LY96: variants seen among roughly 807,000 people sequenced by gnomAD.
The protein encoded by LY96 is lymphocyte antigen 96.
LY96 carries 18 observed loss-of-function variants against 18.9 expected under a neutral mutation model. The observed-to-expected ratio is 0.95, with a 90% CI of 0.66 to 1.41. The LOEUF (loss-of-function observed/expected upper bound fraction) is 1.41. Ranked by LOEUF, LY96 falls within the 40% of genes most tolerant of loss-of-function variation. The pLI is 0.00. For synonymous variants in LY96, 66 were observed against 62.6 expected, an observed-to-expected ratio of 1.06 and a Z score of -0.26; for missense variants, 175 against 182.4, an observed-to-expected ratio of 0.96 and a Z score of 0.23.
intron 3 of LY96, among the ~76,000 whole-genome samples, chr8:74,016,402 C>T (rs570599337): frequency 2.0e-5 from 3 of 152,336 alleles, no homozygotes; most frequent in South Asian, 2.1e-4. Flanking sequence ...ACGAGGCCTG[C>T]CTGCCTCTGT....
intron 2 of LY96, among the ~76,000 whole-genome samples, chr8:74,008,264 T>C (rs531556197): frequency 6.6e-6 from 1 of 152,386 alleles, no homozygotes; most frequent in Non-Finnish European, 1.5e-5. Context: ...GGAATCTTGC[T>C]GTGTTTCACG....
chr8:74,004,403 C>A (rs1338631140), intron 1 of LY96, among the ~76,000 whole-genome samples: 2 of 152,132 alleles, frequency 1.3e-5, no homozygotes, highest in Non-Finnish European at 2.9e-5. Context: ...ATGGGTGGAG[C>A]TAGGAGCTGG....
chr8:74,039,726 G>A, the LY96 span, among the ~76,000 whole-genome samples: 1 of 152,150 alleles, frequency 6.6e-6, no homozygotes, highest in Non-Finnish European at 1.5e-5. Context: ...TTATAAGAAA[G>A]ATCAAAAACT....
intron 1 of LY96, among the ~76,000 whole-genome samples, chr8:74,002,036 T>C (rs1305924477): frequency 2.4e-4 from 7 of 29,564 alleles, no homozygotes; most frequent in African/African-American, 4.9e-4. Context: ...CCTTCCTTCC[T>C]TCCTTCCTTC....
At chr8:74,081,460 G>A in the LY96 span, among the ~76,000 whole-genome samples, 1 of 150,528 alleles carries the variant, frequency 6.6e-6, no homozygotes, top group Non-Finnish European at 1.5e-5. Flanking sequence ...AGTTCTTCCT[G>A]TGTTGCCCAA....
At chr8:74,087,891 T>A in the LY96 span, among the ~76,000 whole-genome samples, 5 of 152,128 alleles carry the variant, frequency 3.3e-5, no homozygotes, top group African/African-American at 1.2e-4. Context: ...TCTTTATGGG[T>A]CTTCCTCTGA....
At chr8:74,082,104 C>G in the LY96 span, among the ~76,000 whole-genome samples, 1 of 152,126 alleles carries the variant, frequency 6.6e-6, no homozygotes, top group African/African-American at 2.4e-5. Context: ...TTTTTGTGCT[C>G]CTCCTTATCC....
At chr8:74,086,080 T>C in the LY96 span, among the ~76,000 whole-genome samples, 1 of 152,116 alleles carries the variant, frequency 6.6e-6, no homozygotes, top group Non-Finnish European at 1.5e-5. Flanking sequence ...TATTCTATCC[T>C]CTGTTTTCTA....
the LY96 span, among the ~76,000 whole-genome samples, chr8:74,039,587 GA>G: frequency 6.6e-6 from 1 of 152,170 alleles, no homozygotes; most frequent in Non-Finnish European, 1.5e-5. Flanking sequence ...GCAGGGTAAG[GA>G]GGGTGGATCT....
the LY96 span, among the ~76,000 whole-genome samples, chr8:74,071,643 C>T: frequency 6.6e-6 from 1 of 152,226 alleles, no homozygotes; most frequent in Non-Finnish European, 1.5e-5. Context: ...TCCACTGCCT[C>T]TCACCTCCAG....
intron 3 of LY96, among the ~76,000 whole-genome samples, chr8:74,016,069 C>T (rs1816635107): frequency 6.6e-6 from 1 of 152,184 alleles, no homozygotes; most frequent in Admixed American, 6.5e-5. Flanking sequence ...ATTGCCTCAC[C>T]CAGGAAGTGC....
At chr8:74,004,938 A>T (rs527711369) in intron 2 of LY96, 53 bp downstream of exon 2, 8 of 1,529,992 alleles carry the variant, frequency 5.2e-6, no homozygotes, top group Non-Finnish European at 7.2e-6. Flanking sequence ...AAGAAATATC[A>T]GTGATAAATG....
chr8:74,047,776 C>T, the LY96 span, among the ~76,000 whole-genome samples: 1 of 152,224 alleles, frequency 6.6e-6, no homozygotes, highest in African/African-American at 2.4e-5. Flanking sequence ...ATTATCCAAA[C>T]CACAATGCTA....
chr8:74,031,363 C>T (rs1391768164), downstream of LY96, among the ~76,000 whole-genome samples: 1 of 152,124 alleles, frequency 6.6e-6, no homozygotes, highest in Non-Finnish European at 1.5e-5. Flanking sequence ...TGTGGTGGCT[C>T]ACGCCTGTAA....
rs527841749 is a variant in LY96 at position 73,993,952 on chromosome 8, C to T, written c.112+2398C>T. Among the ~76,000 whole-genome samples, 11 of 152,156 alleles carry T rather than the reference C, an allele frequency of 7.2e-5. No individual in the cohort carries two copies. In the East Asian group the frequency reaches 2.1e-3, roughly 29 times the overall value. ...AAGTATATGCACATTGCTGTGAAAC[C>T]ATCACCGTTGGTGTATCTTTTGATT... On this transcript the variant is annotated intron_variant, in intron 1 of 4. Coordinates refer to ENST00000284818, the MANE Select transcript of LY96 (RefSeq NM_015364.5).
intron 3 of LY96, among the ~76,000 whole-genome samples, chr8:74,022,179 G>A (rs570328376): frequency 2.6e-4 from 39 of 152,182 alleles, no homozygotes; most frequent in African/African-American, 9.2e-4. Context: ...AGGCCGAGGC[G>A]GGCAGATCAC....
intron 3 of LY96, among the ~76,000 whole-genome samples, chr8:74,021,017 C>T (rs6993513): frequency 0.24 from 36,916 of 152,080 alleles, 5,217 homozygotes; most frequent in African/African-American, 0.39. Flanking sequence ...TGGGCAAGGA[C>T]TTTATGACTA....
chr8:74,054,625 T>TTTCTTTC, the LY96 span, among the ~76,000 whole-genome samples: 2 of 102,686 alleles, frequency 1.9e-5, no homozygotes, highest in Non-Finnish European at 3.8e-5. Flanking sequence ...TCCTTCTTTC[T>TTTCTTTC]TTCTTTCTTT....
the LY96 span, among the ~76,000 whole-genome samples, chr8:74,075,888 C>T: frequency 3.9e-5 from 6 of 152,204 alleles, no homozygotes; most frequent in Admixed American, 1.3e-4. Context: ...TGCTGACACA[C>T]GGTTTGGGTG....
Sources: allele counts gnomAD v4.1 joint callset (sites outside exome capture counted in the v4.1 genomes callset), GRCh38; gene constraint gnomAD v4.1.1; transcripts MANE v1.5; gene names NCBI Gene and HGNC (gene_info 2026-07-23, HGNC 2026-07-21).